ZBTB26: variants seen among roughly 807,000 people sequenced by gnomAD.
The protein encoded by ZBTB26 is zinc finger and BTB domain-containing protein 26.
A neutral mutation model predicts 31.6 loss-of-function variants in ZBTB26; 12 were observed. That is an observed-to-expected ratio of 0.38 (90% CI 0.24 to 0.61). ZBTB26 has a LOEUF of 0.61. Among genes scored for constraint, ZBTB26 ranks in the 20% least tolerant of loss-of-function variants. The pLI is 0.60. For missense variants in ZBTB26, 311 were observed against 521.9 expected (o/e 0.60, Z 3.94); for synonymous variants, 155 against 182.9 (o/e 0.85, Z 1.23).
intron 1 of ZBTB26, among the ~76,000 whole-genome samples, chr9:122,923,365 A>AGT (rs1833131248): frequency 1.8e-5 from 1 of 56,918 alleles, no homozygotes; most frequent in Non-Finnish European, 6.6e-5. Context: ...AACTGCATTG[A>AGT]GAGAGGAGCG....
chr9:122,927,235 C>T (rs1302091178), intron 1 of ZBTB26, among the ~76,000 whole-genome samples: 1 of 152,154 alleles, frequency 6.6e-6, no homozygotes, highest in Admixed American at 6.5e-5. Flanking sequence ...ATTCTCACTT[C>T]CTCTTCATTT....
In ZBTB26 at chr9:122,919,531, C is replaced by A. The variant is rs753198723; in HGVS notation, c.404G>T (p.Ser135Ile). The stretch of plus-strand genomic sequence containing the variant: ...ACTCTGTGGTTCACATCCCTCTTTA[C>A]TATCCATTGGTTGTTTTGGCTTTAT... ...KFIKPKQPMDSKEGCEPQSAS... is the reference protein window; with the variant it reads ...KFIKPKQPMDIKEGCEPQSAS... Residue 135 changes from serine (S) to isoleucine (I), a missense_variant, in exon 2 of 2, where the codon AGT becomes ATT. Transcript: ENST00000373656. This position sits in a 1 kb window ranked among gnomAD's most constrained non-coding sequence, Gnocchi z 6.1. The A allele has an allele frequency of 2.5e-6, 4 of 1,614,222 alleles. No homozygotes were observed. Among genetic ancestry groups the A allele is most frequent in the Non-Finnish European group, 3.4e-6 (4 of 1,180,034 alleles).
chr9:122,924,405 G>A (rs371681431), intron 1 of ZBTB26, among the ~76,000 whole-genome samples: 10 of 152,158 alleles, frequency 6.6e-5, no homozygotes, highest in African/African-American at 2.2e-4. Flanking sequence ...AGTTATTTGA[G>A]GGCAATGACC....
intron 1 of ZBTB26, among the ~76,000 whole-genome samples, chr9:122,924,823 G>A (rs1006922500): frequency 3.3e-5 from 5 of 151,804 alleles, no homozygotes; most frequent in East Asian, 1.9e-4. Context: ...GCAGGGTCTC[G>A]CTGTGTTGCC....
At chr9:122,922,167 G>T (rs1272723101) in intron 1 of ZBTB26, among the ~76,000 whole-genome samples, 3 of 152,178 alleles carry the variant, frequency 2.0e-5, no homozygotes, top group Non-Finnish European at 4.4e-5. Context: ...GAACCTGGGA[G>T]GTGAAGGTTT....
At chr9:122,930,688 T>C (rs752724059) in intron 1 of ZBTB26, among the ~76,000 whole-genome samples, 2 of 152,188 alleles carry the variant, frequency 1.3e-5, no homozygotes, top group African/African-American at 2.4e-5. Flanking sequence ...ATTCTGTGCA[T>C]AGGAGTCCCC....
chr9:122,928,258 G>T (rs1016276360), intron 1 of ZBTB26, among the ~76,000 whole-genome samples: 1 of 151,976 alleles, frequency 6.6e-6, no homozygotes, highest in Admixed American at 6.6e-5. Flanking sequence ...CATTGTTTTT[G>T]AAAGCAATTT....
Position 122,919,626 on chromosome 9 carries a change from G to A in ZBTB26, c.309C>T (p.Tyr103=), listed in dbSNP as rs368390312. 4 of 1,614,186 alleles carry A rather than the reference G, an allele frequency of 2.5e-6. No homozygotes were observed. The highest frequency in any genetic ancestry group is 3.4e-6 in the Non-Finnish European group (4 of 1,180,026). ...TCTGAAGAAAACTTGCAGCAGTCAA[G>A]TAATTTACCAGTTCCATCTCAGGGA... ...LEFPEMELVN[Y]LTAASFLQMS... is the part of the protein sequence containing the mutation. The change falls in exon 2 of 2, where the codon TAC becomes TAT. Residue 103 remains tyrosine (Y), a synonymous_variant. Transcript: ENST00000373656. This position sits in a 1 kb window ranked among gnomAD's most constrained non-coding sequence, Gnocchi z 6.1.
At chr9:122,923,183 CA>C (rs143122693) in intron 1 of ZBTB26, among the ~76,000 whole-genome samples, 9 of 116,378 alleles carry the variant, frequency 7.7e-5, no homozygotes, top group Admixed American at 2.0e-4. Flanking sequence ...GACTCCATCT[CA>C]AAAAAAAAAA....
intron 1 of ZBTB26, among the ~76,000 whole-genome samples, chr9:122,923,546 G>T (rs1294613652): frequency 1.3e-5 from 2 of 152,190 alleles, no homozygotes; most frequent in African/African-American, 4.8e-5. Context: ...GATTTGGAGT[G>T]ATGAATGTTC....
At position 122,918,660 on chromosome 9, in the gene ZBTB26, T is replaced by A; in HGVS notation, c.1275A>T (p.Lys425Asn). ...TTAAGTTCAGGACAGCTTGGGCCAG[T>A]TTACCTGCATCCAGGACCTGTGTTG... ...PDATQVLDAG[K>N]LAQAVLNLRN... The change falls in exon 2 of 2, where the codon AAA (lysine) becomes AAT (asparagine). Residue 425 changes from lysine to asparagine, a missense_variant. Around this residue, in one of 5 missense-constraint regions of ZBTB26, gnomAD observed 49 missense variants for 66.0 expected, o/e 0.74. Transcript: ENST00000373656. The A allele has an allele frequency of 6.2e-7, 1 of 1,614,196 alleles. No individual in the cohort carries two copies.
chr9:122,919,548 T>C lies in ZBTB26; in HGVS notation c.387A>G (p.Pro129=), dbSNP rs779147861. ...CTQALWKFIK[P]KQPMDSKEGC... ...CCTCTTTACTATCCATTGGTTGTTT[T>C]GGCTTTATAAACTTCCACAGGGCCT... Residue 129 remains proline, a synonymous_variant, in exon 2 of 2, where the codon CCA becomes CCG. Transcript: ENST00000373656. The surrounding 1 kb of genome is among the most constrained non-coding windows in gnomAD (Gnocchi z 6.1). 8 of 1,614,202 alleles carry C rather than the reference T, an allele frequency of 5.0e-6. No individual in the cohort carries two copies. Among genetic ancestry groups the C allele is most frequent in the South Asian group, 1.1e-5 (1 of 91,090 alleles).
intron 1 of ZBTB26, among the ~76,000 whole-genome samples, chr9:122,928,160 T>C (rs1833212274): frequency 6.6e-6 from 1 of 152,234 alleles, no homozygotes. Flanking sequence ...AAAACAATAC[T>C]TCTATATGTC....
At chr9:122,930,893 T>TAC (rs1268769154) in intron 1 of ZBTB26, among the ~76,000 whole-genome samples, 3 of 152,220 alleles carry the variant, frequency 2.0e-5, no homozygotes, top group African/African-American at 7.2e-5. Context: ...TACATATATA[T>TAC]ACACATAGGA....
chr9:122,931,342 C>T (rs1426300816), intron 1 of ZBTB26, 95 bp downstream of exon 1: 1 of 152,294 alleles, frequency 6.6e-6, no homozygotes, highest in East Asian at 1.9e-4. Flanking sequence ...GGCTCCCATC[C>T]CAGTGCAGGT....
At chr9:122,927,526 T>A (rs1479435631) in intron 1 of ZBTB26, among the ~76,000 whole-genome samples, 2 of 152,222 alleles carry the variant, frequency 1.3e-5, no homozygotes, top group African/African-American at 4.8e-5. Flanking sequence ...CACTCAAAAC[T>A]ACTTGGAAAT....
At chr9:122,930,015 C>T (rs1336409421) in intron 1 of ZBTB26, among the ~76,000 whole-genome samples, 1 of 151,438 alleles carries the variant, frequency 6.6e-6, no homozygotes, top group East Asian at 1.9e-4. Flanking sequence ...GCATTACCCT[C>T]CCCCCCCAAA....
At chr9:122,928,185 T>C (rs1284093116) in intron 1 of ZBTB26, among the ~76,000 whole-genome samples, 1 of 152,238 alleles carries the variant, frequency 6.6e-6, no homozygotes, top group Non-Finnish European at 1.5e-5. Flanking sequence ...CACAAAAGTA[T>C]AACGTAATTA....
At chr9:122,927,036 A>G (rs1833193927) in intron 1 of ZBTB26, among the ~76,000 whole-genome samples, 1 of 152,210 alleles carries the variant, frequency 6.6e-6, no homozygotes, top group Non-Finnish European at 1.5e-5. Flanking sequence ...TCAGAGACAC[A>G]GTCATCATAT....
Sources: gnomAD v4.1 joint callset for allele counts (sites outside exome capture counted in the v4.1 genomes callset) on GRCh38, gnomAD v4.1.1 for gene constraint, gnomAD v4.1.1 regional missense constraint, Gnocchi (gnomAD v3.1) non-coding constraint, MANE v1.5 for transcripts, NCBI Gene and HGNC (gene_info 2026-07-23, HGNC 2026-07-21) for gene names.